Variants in HECW2 observed in about 807,000 individuals in gnomAD.
HECW2 encodes the protein HECT, C2 and WW domain containing E3 ubiquitin protein ligase 2, also known as E3 ubiquitin-protein ligase HECW2.
In HECW2, 61 loss-of-function variants were observed where a neutral mutation model predicts 175.2. The ratio of observed to expected loss-of-function variants is 0.35; its 90% CI spans 0.28 to 0.43. The LOEUF is 0.43. Ranked by LOEUF, HECW2 falls within the 20% of genes least tolerant of loss-of-function variation. HECW2 has a pLI of 1.00. For synonymous variants in HECW2, 671 were observed against 731.0 expected (o/e 0.92, Z 1.32); for missense variants, 1,524 against 2,000.5 (o/e 0.76, Z 4.54).
chr2:196,229,763 T>G (rs997208660), intron 21 of HECW2, among the ~76,000 whole-genome samples: 2 of 152,242 alleles, frequency 1.3e-5, no homozygotes, highest in African/African-American at 4.8e-5. Flanking sequence ...TTCCCAATTT[T>G]TGTTATATCT....
At chr2:196,429,484 C>T (rs1289736391) in intron 2 of HECW2, among the ~76,000 whole-genome samples, 1 of 151,948 alleles carries the variant, frequency 6.6e-6, no homozygotes, top group Non-Finnish European at 1.5e-5. Flanking sequence ...AAATTGAGAC[C>T]TCTTATCTCC....
chr2:196,282,251 C>T (rs1037061896), intron 14 of HECW2, among the ~76,000 whole-genome samples: 6 of 152,298 alleles, frequency 3.9e-5, no homozygotes, highest in African/African-American at 9.6e-5. Context: ...GATGATCCTT[C>T]GTTCTGTCCT....
intron 2 of HECW2, among the ~76,000 whole-genome samples, chr2:196,398,030 T>G: frequency 6.7e-6 from 1 of 149,696 alleles, no homozygotes; most frequent in African/African-American, 2.5e-5. Context: ...TAATAAGAGG[T>G]AGGTGGTTTC....
intron 1 of HECW2, among the ~76,000 whole-genome samples, chr2:196,450,034 G>A (rs781674891): frequency 2.0e-5 from 3 of 152,172 alleles, no homozygotes; most frequent in Non-Finnish European, 2.9e-5. Flanking sequence ...TGGGGGCCTT[G>A]GTGGTGTGCC....
intron 1 of HECW2, among the ~76,000 whole-genome samples, chr2:196,448,801 G>A (rs118077564): frequency 6.6e-6 from 1 of 152,260 alleles, no homozygotes; most frequent in East Asian, 1.9e-4. Flanking sequence ...CTGACAACTC[G>A]TTGATAAGCA....
At chr2:196,271,330 T>G (rs767505020) in intron 16 of HECW2, 41 bp from the exon 17 acceptor site, 1 of 1,421,818 alleles carries the variant, frequency 7.0e-7, no homozygotes, top group Non-Finnish European at 9.9e-7. Context: ...TAAAAAAGAA[T>G]CTATTTTTAG....
chr2:196,197,159 T>G lies in HECW2; in HGVS notation c.*4118A>C, dbSNP rs899638717. 6.6e-6 allele frequency: 1 copy of G among 152,098 alleles called. No individual in the cohort carries two copies. Among genetic ancestry groups the G allele is most frequent in the Non-Finnish European group, 1.5e-5 (1 of 68,014 alleles). The allele number at this position is 152,098 out of a possible 1,614,324, so 9.4% of individuals were successfully genotyped here. ...TAGACCACATTCTTCTTATGCATGTTTTTATTATGCAGGGTTACAGATACC... is the reference window on the plus strand; with the variant it reads ...TAGACCACATTCTTCTTATGCATGTGTTTATTATGCAGGGTTACAGATACC... On this transcript the variant is annotated 3_prime_UTR_variant, in exon 29 of 29. Transcript: ENST00000644978.
rs1468459158 is a variant in HECW2, at chr2:196,308,094, C to T, written c.2435-9G>A. The stretch of plus-strand genomic sequence containing the variant: ...AATGCGTGCCTCCCAGTCTAAATGG[C>T]AGTGAGGCACCGAAAGGAATTAGGA... On this transcript the variant is annotated splice_polypyrimidine_tract_variant and intron_variant, in intron 10 of 28. Transcript: ENST00000644978. 7.7e-6 allele frequency: 12 copies of T among 1,550,674 alleles called. No individual in the cohort carries two copies. The Admixed American group carries it at 2.2e-4, about 28-fold the overall frequency.
chr2:196,476,442 C>CAA (rs763469865), intron 1 of HECW2, among the ~76,000 whole-genome samples: 2 of 77,344 alleles, frequency 2.6e-5, no homozygotes, highest in Admixed American at 1.5e-4. Flanking sequence ...GACTCCATCT[C>CAA]AAAAAAAAAA....
intron 17 of HECW2, among the ~76,000 whole-genome samples, chr2:196,261,549 G>C (rs1427709895): frequency 6.6e-6 from 1 of 152,146 alleles, no homozygotes; most frequent in Non-Finnish European, 1.5e-5. Flanking sequence ...GCACATGCTA[G>C]GCCAGAGATG....
At chr2:196,591,745 C>CTATATAAACAA (rs1691202013) in intron 1 of HECW2, among the ~76,000 whole-genome samples, 1 of 152,156 alleles carries the variant, frequency 6.6e-6, no homozygotes, top group South Asian at 2.1e-4. Context: ...GTCTCCCACG[C>CTATATAAACAA]TATATAAACA....
chr2:196,224,304 T>A lies in HECW2; in HGVS notation c.4016+1468A>T, dbSNP rs138096325. On this transcript the variant is annotated intron_variant, in intron 23 of 28. Coordinates refer to ENST00000644978, the MANE Select transcript of HECW2 (RefSeq NM_001348768.2). ...TTGATTCTGAGATCCTTGTAAGACA[T>A]CCGAGTGGAGATATTTGGTGGACTG... 9.2e-5 allele frequency among the ~76,000 whole-genome samples: 14 copies of A among 152,226 alleles called. No individual in the cohort carries two copies. The East Asian group carries it at 2.7e-3, about 29-fold the overall frequency.
intron 1 of HECW2, among the ~76,000 whole-genome samples, chr2:196,477,408 T>C (rs1324834285): frequency 6.6e-6 from 1 of 152,204 alleles, no homozygotes; most frequent in African/African-American, 2.4e-5. Context: ...TCTTACATGC[T>C]TTTTAAAATA....
At chr2:196,211,046 A>C (rs112055390) in intron 28 of HECW2, among the ~76,000 whole-genome samples, 3 of 152,312 alleles carry the variant, frequency 2.0e-5, no homozygotes, top group African/African-American at 7.2e-5. Flanking sequence ...TAACTCTTAC[A>C]ATTTATTTCT....
Position 196,306,566 on chromosome 2 carries a change from C to T in HECW2, c.2736G>A (p.Arg912=), listed in dbSNP as rs1003981303. The change falls in exon 13 of 29, where the codon AGG becomes AGA. Residue 912 remains arginine (R), a synonymous_variant. Transcript: ENST00000644978. ...GGGGAGACTGTAACAGCAACGTGAT[C>T]CTGGATCTGGAGGTAGAGTGAGGCA... is the stretch of plus-strand genomic sequence containing the variant. ...NILPHSTSRS[R]ITLLLQSPPV... The T allele has an allele frequency of 6.2e-7, 1 of 1,612,714 alleles. No individual in the cohort carries two copies. Among genetic ancestry groups the T allele is most frequent in the Non-Finnish European group, 8.5e-7 (1 of 1,179,432 alleles).
At chr2:196,305,222 C>T (rs886667813) in intron 13 of HECW2, among the ~76,000 whole-genome samples, 1 of 152,198 alleles carries the variant, frequency 6.6e-6, no homozygotes, top group African/African-American at 2.4e-5. Context: ...GTGCCTAGCA[C>T]ATAATCATCA....
chr2:196,257,884 T>G lies in HECW2; in HGVS notation c.3358A>C (p.Thr1120Pro). The G allele has an allele frequency of 6.2e-7, 1 of 1,613,860 alleles. No individual in the cohort carries two copies. The highest frequency in any genetic ancestry group is 8.5e-7 in the Non-Finnish European group (1 of 1,179,764). ...CGCACCAATCCTGGAGTCCCTTCAG[T>G]TCGGATAAATTGGATCTTCTCCCTA... Reference protein sequence around the residue: ...SLREKIQFIRTEGTPGLVRLS... With the variant: ...SLREKIQFIRPEGTPGLVRLS... The change falls in exon 18 of 29, where the codon ACT (threonine) becomes CCT (proline). Residue 1120 changes from threonine (T) to proline (P), a missense_variant. Physicochemically the swap from Thr to Pro is conservative, Grantham distance 38. Coordinates refer to ENST00000644978, the MANE Select transcript of HECW2 (RefSeq NM_001348768.2).
chr2:196,501,258 G>A (rs879647892), intron 1 of HECW2, among the ~76,000 whole-genome samples: 9 of 152,018 alleles, frequency 5.9e-5, no homozygotes, highest in Non-Finnish European at 1.2e-4. Flanking sequence ...CAGTTGGAAG[G>A]GATGCCACAA....
At chr2:196,564,116 A>G (rs1354510535) in intron 1 of HECW2, among the ~76,000 whole-genome samples, 1 of 152,198 alleles carries the variant, frequency 6.6e-6, no homozygotes, top group East Asian at 1.9e-4. Context: ...TAGTAGTGAT[A>G]TCACCTCAGC....
Sources: gnomAD v4.1 joint callset for allele counts (sites outside exome capture counted in the v4.1 genomes callset) on GRCh38, gnomAD v4.1.1 for gene constraint, MANE v1.5 for transcripts, NCBI Gene and HGNC (gene_info 2026-07-23, HGNC 2026-07-21) for gene names.